SLC15A1: variants seen among roughly 807,000 people sequenced by gnomAD.
SLC15A1 encodes the protein solute carrier family 15 member 1, also known as Caco-2 oligopeptide transporter.
SLC15A1 carries 83 observed loss-of-function variants against 92.9 expected under a neutral mutation model. The observed-to-expected ratio is 0.89, with a 90% CI of 0.75 to 1.07. The LOEUF is 1.07. Ranked by LOEUF, SLC15A1 falls within the 50% of genes least tolerant of loss-of-function variation. The pLI, the probability that SLC15A1 is intolerant of heterozygous loss-of-function variation, is 0.00. For synonymous variants in SLC15A1, 322 were observed against 318.2 expected, an observed-to-expected ratio of 1.01 and a Z score of -0.13; for missense variants, 857 against 880.1, an observed-to-expected ratio of 0.97 and a Z score of 0.33.
At chr13:98,685,306 G>A (rs916058974) in intron 22 of SLC15A1, among the ~76,000 whole-genome samples, 1 of 152,160 alleles carries the variant, frequency 6.6e-6, no homozygotes, top group East Asian at 1.9e-4. Flanking sequence ...AGAGCCCCAC[G>A]TTCCTCCTTG....
intron 1 of SLC15A1, among the ~76,000 whole-genome samples, chr13:98,729,524 A>T (rs1021941394): frequency 6.6e-6 from 1 of 152,190 alleles, no homozygotes; most frequent in African/African-American, 2.4e-5. Flanking sequence ...TCTACATAAG[A>T]GAGTTTTATC....
chr13:98,708,109 G>A (rs189909933), intron 15 of SLC15A1, among the ~76,000 whole-genome samples: 53 of 152,002 alleles, frequency 3.5e-4, no homozygotes, highest in Admixed American at 1.9e-3. Context: ...GGGAAGGAAC[G>A]AGAGAAAGAC....
intron 2 of SLC15A1, 146 bp downstream of exon 2, chr13:98,726,697 G>A (rs1427672810): frequency 1.2e-6 from 1 of 843,094 alleles, no homozygotes; most frequent in Admixed American, 2.0e-5. Context: ...ATTTCCTCAG[G>A]AGAGGACATC....
chr13:98,742,240 G>A (rs1165691109), intron 1 of SLC15A1, among the ~76,000 whole-genome samples: 1 of 152,224 alleles, frequency 6.6e-6, no homozygotes, highest in Non-Finnish European at 1.5e-5. Context: ...AAACCACTCA[G>A]CCGCAGCCTG....
chr13:98,687,653 G>A lies in SLC15A1; in HGVS notation c.1755C>T (p.Ile585=). 3 of 1,614,124 alleles carry A rather than the reference G, an allele frequency of 1.9e-6. No homozygotes were observed. Among genetic ancestry groups the A allele is most frequent in the Non-Finnish European group, 2.5e-6 (3 of 1,179,996 alleles). The stretch of plus-strand genomic sequence containing the variant: ...CACAGGTGAGAAGAAAATACTGCGG[G>A]ATTTGCAGAGCCATGTTAACTGTGT... The part of the protein sequence containing the change: ...SANTVNMALQ[I]PQYFLLTCGE... The change falls in exon 21 of 23, where the codon ATC becomes ATT. Residue 585 remains isoleucine, a synonymous_variant. Coordinates refer to ENST00000376503, the MANE Select transcript of SLC15A1 (RefSeq NM_005073.4).
At chr13:98,700,339 G>A (rs1346670259) in intron 18 of SLC15A1, among the ~76,000 whole-genome samples, 1 of 151,900 alleles carries the variant, frequency 6.6e-6, no homozygotes, top group Admixed American at 6.6e-5. Flanking sequence ...GTGAAAATTA[G>A]CTGGGTGTGG....
chr13:98,749,220 G>A (rs1247616691), intron 1 of SLC15A1, among the ~76,000 whole-genome samples: 1 of 152,162 alleles, frequency 6.6e-6, no homozygotes, highest in Non-Finnish European at 1.5e-5. Flanking sequence ...CACCAGGTGT[G>A]AGGGACCTTC....
rs757253206 is a variant in SLC15A1 at position 98,726,134 on chromosome 13, C to T, written c.234G>A (p.Leu78=). Reference sequence around the variant, plus strand: ...TTCCAGCCACTCACTTGAACTTTCCCAGCCACGAGTCGGCGATAAGAGCTC... The same window carrying T: ...TTCCAGCCACTCACTTGAACTTTCCTAGCCACGAGTCGGCGATAAGAGCTC... ...ILGALIADSW[L]GKFKTIVSLS... Residue 78 remains leucine, a synonymous_variant, in exon 4 of 23, where the codon CTG becomes CTA. Coordinates refer to ENST00000376503, the MANE Select transcript of SLC15A1 (RefSeq NM_005073.4). 9 of 1,613,722 alleles carry T rather than the reference C, an allele frequency of 5.6e-6. No homozygotes were observed. In the African/African-American group the frequency reaches 1.2e-4, roughly 22 times the overall value.
rs368705037 is a variant in SLC15A1, at chr13:98,706,159, A to G, written c.1244T>C (p.Met415Thr). 6 of 1,612,028 alleles carry G rather than the reference A, an allele frequency of 3.7e-6. No homozygotes were observed. The highest frequency in any genetic ancestry group is 4.5e-5 in the East Asian group (2 of 44,856). Residue 415 changes from methionine (M) to threonine (T), a missense_variant, in exon 16 of 23, where the codon ATG becomes ACG. By Grantham distance (81) the Met-to-Thr change is moderately conservative. Coordinates refer to ENST00000376503, the MANE Select transcript of SLC15A1 (RefSeq NM_005073.4). ...TTGAGACATTGGGCCAAGTGTCACC[A>G]TCTCTCCAGGAAGAGATATATTCAT... ...NTMNISLPGE[M>T]VTLGPMSQTN...
chr13:98,685,414 G>A (rs1373606284), intron 22 of SLC15A1, among the ~76,000 whole-genome samples: 1 of 152,216 alleles, frequency 6.6e-6, no homozygotes, highest in Non-Finnish European at 1.5e-5. Flanking sequence ...GCTCCCTTAT[G>A]AGGCAGACAT....
At chr13:98,695,208 C>T (rs1436251478) in intron 18 of SLC15A1, among the ~76,000 whole-genome samples, 6 of 151,964 alleles carry the variant, frequency 3.9e-5, no homozygotes, top group Non-Finnish European at 8.8e-5. Flanking sequence ...CAATGTATAA[C>T]ATTTAAAAAG....
intron 18 of SLC15A1, among the ~76,000 whole-genome samples, chr13:98,697,565 T>A (rs1323027334): frequency 6.7e-6 from 1 of 150,256 alleles, no homozygotes; most frequent in South Asian, 2.1e-4. Flanking sequence ...AAGAAGACAC[T>A]GAAAGCTTGA....
chr13:98,746,527 A>G (rs1002279973), intron 1 of SLC15A1, among the ~76,000 whole-genome samples: 1 of 152,372 alleles, frequency 6.6e-6, no homozygotes, highest in South Asian at 2.1e-4. Flanking sequence ...TTTAATGGAA[A>G]AAAAGGAAAA....
chr13:98,702,416 C>T, intron 18 of SLC15A1, 64 bp downstream of exon 18: 1 of 1,060,466 alleles, frequency 9.4e-7, no homozygotes, highest in Non-Finnish European at 1.5e-6. Flanking sequence ...TTGGACTTTA[C>T]TATGGGTATG....
intron 8 of SLC15A1, among the ~76,000 whole-genome samples, chr13:98,717,563 GCTCT>G (rs777732143): frequency 5.9e-5 from 9 of 152,178 alleles, no homozygotes; most frequent in African/African-American, 1.9e-4. Flanking sequence ...TTTTGGAAAT[GCTCT>G]CTGTCTCCTG....
intron 1 of SLC15A1, among the ~76,000 whole-genome samples, chr13:98,743,094 G>A (rs1482443454): frequency 6.6e-6 from 1 of 152,138 alleles, no homozygotes; most frequent in East Asian, 1.9e-4. Context: ...CTTTTTGTGA[G>A]GACACTGCTC....
intron 1 of SLC15A1, among the ~76,000 whole-genome samples, chr13:98,727,205 A>AGT (rs1431401940): frequency 6.6e-6 from 1 of 152,196 alleles, no homozygotes; most frequent in African/African-American, 2.4e-5. Context: ...ATATCTGACA[A>AGT]GTGTTTTGGT....
At position 98,731,524 on chromosome 13, in the gene SLC15A1, T is replaced by A. The variant is rs541830148; in HGVS notation, c.5-4665A>T. Among the ~76,000 whole-genome samples, 82 of 152,256 alleles carry A rather than the reference T, an allele frequency of 5.4e-4. 1 individual carries two copies. The highest frequency in any genetic ancestry group is 1.9e-3 in the African/African-American group (81 of 41,556). ...TGAAGTCACAGAAAGGTCCCTGTTA[T>A]CCTTGGCCCTCTTCAGGGAAGCAGG... On this transcript the variant is annotated intron_variant, in intron 1 of 22. Coordinates refer to ENST00000376503, the MANE Select transcript of SLC15A1 (RefSeq NM_005073.4).
At chr13:98,718,230 G>A (rs1300255760) in intron 8 of SLC15A1, among the ~76,000 whole-genome samples, 2 of 147,136 alleles carry the variant, frequency 1.4e-5, no homozygotes, top group Non-Finnish European at 3.0e-5. Context: ...TTATAGATAC[G>A]TACATGTTGA....
Sources: allele counts gnomAD v4.1 joint callset (sites outside exome capture counted in the v4.1 genomes callset), GRCh38; gene constraint gnomAD v4.1.1; transcripts MANE v1.5; gene names NCBI Gene and HGNC (gene_info 2026-07-23, HGNC 2026-07-21).